The following CTNNA3 variants were observed in gnomAD, a reference collection of about 807,000 sequenced individuals.
The protein encoded by CTNNA3 is catenin alpha 3.
In CTNNA3, 76 loss-of-function variants were observed where a neutral mutation model predicts 95.7. The ratio of observed to expected loss-of-function variants is 0.79; its 90% CI spans 0.66 to 0.96. The LOEUF is 0.96. Among genes scored for constraint, CTNNA3 ranks in the 40% least tolerant of loss-of-function variants. CTNNA3 has a pLI of 0.00. For synonymous variants in CTNNA3, 431 were observed against 374.4 expected (o/e 1.15, Z -1.74); for missense variants, 1,191 against 1,089.8 (o/e 1.09, Z -1.31).
chr10:66,030,131 A>G (rs1219619863), intron 15 of CTNNA3, among the ~76,000 whole-genome samples: 2 of 152,226 alleles, frequency 1.3e-5, no homozygotes, highest in African/African-American at 2.4e-5. Context: ...ATATCATAAA[A>G]TGGCCATACT....
intron 13 of CTNNA3, among the ~76,000 whole-genome samples, chr10:66,126,290 A>G (rs2082827360): frequency 6.6e-6 from 1 of 152,240 alleles, no homozygotes; most frequent in Non-Finnish European, 1.5e-5. Context: ...TAAACAAATG[A>G]TGGTGATGGG....
chr10:67,555,618 T>C (rs1034743367), intron 3 of CTNNA3, among the ~76,000 whole-genome samples: 3 of 152,214 alleles, frequency 2.0e-5, no homozygotes, highest in African/African-American at 7.2e-5. Context: ...TCCTGAGACT[T>C]TGTTGAAGTT....
intron 7 of CTNNA3, among the ~76,000 whole-genome samples, chr10:66,814,387 T>C (rs1841999738): frequency 6.6e-6 from 1 of 152,154 alleles, no homozygotes; most frequent in African/African-American, 2.4e-5. Context: ...GCATTTCATT[T>C]AGGGGTCAAG....
At chr10:66,736,650 C>A (rs1849154099) in intron 9 of CTNNA3, among the ~76,000 whole-genome samples, 2 of 151,802 alleles carry the variant, frequency 1.3e-5, no homozygotes, top group Admixed American at 6.6e-5. Flanking sequence ...TTAAAACATT[C>A]TAAAAGTATG....
intron 9 of CTNNA3, among the ~76,000 whole-genome samples, chr10:66,733,338 T>C (rs1474899185): frequency 1.3e-5 from 2 of 152,072 alleles, no homozygotes; most frequent in Non-Finnish European, 2.9e-5. Flanking sequence ...TGCAAACTTT[T>C]CATAAAACAT....
Position 67,306,933 on chromosome 10 carries a change from G to A in CTNNA3, c.580-87063C>T, listed in dbSNP as rs568913201. On this transcript the variant is annotated intron_variant, in intron 5 of 17. Coordinates refer to ENST00000433211, the MANE Select transcript of CTNNA3 (RefSeq NM_013266.4). Reference sequence around the variant, plus strand: ...TTTAATGTAAGTGTTCATGGGAAGTGAAAGTAAACATTTTGCACACAGAGA... The same window carrying A: ...TTTAATGTAAGTGTTCATGGGAAGTAAAAGTAAACATTTTGCACACAGAGA... Among the ~76,000 whole-genome samples the A allele has an allele frequency of 3.9e-5, 6 of 152,320 alleles. 1 individual carries two copies. Among genetic ancestry groups the A allele is most frequent in the Admixed American group, 3.9e-4 (6 of 15,298 alleles).
intron 7 of CTNNA3, among the ~76,000 whole-genome samples, chr10:66,811,458 G>A (rs574165688): frequency 3.3e-5 from 5 of 152,184 alleles, no homozygotes; most frequent in Non-Finnish European, 5.9e-5. Context: ...TAATCCATAT[G>A]GCAGAATGCA....
Position 67,209,060 on chromosome 10 carries a change from T to G in CTNNA3, c.843+10547A>C, listed in dbSNP as rs1589866291. On this transcript the variant is annotated intron_variant, in intron 6 of 17. Coordinates refer to ENST00000433211, the MANE Select transcript of CTNNA3 (RefSeq NM_013266.4). ...TTGTTATTTTTTGTTGTTGTTGTTG[T>G]TGTTGTTAAGACAGAGTCTCACTCT... is the stretch of plus-strand genomic sequence containing the variant. Among the ~76,000 whole-genome samples, 5 of 152,210 alleles carry G rather than the reference T, an allele frequency of 3.3e-5. No individual in the cohort carries two copies. The South Asian group carries it at 8.3e-4, about 25-fold the overall frequency.
At chr10:66,924,280 A>G (rs1356045348) in intron 7 of CTNNA3, among the ~76,000 whole-genome samples, 3 of 152,044 alleles carry the variant, frequency 2.0e-5, no homozygotes, top group South Asian at 2.1e-4. Context: ...TATCTGTAGG[A>G]CCCCTTTTGA....
chr10:66,799,651 A>C (rs960634972), intron 7 of CTNNA3, among the ~76,000 whole-genome samples: 1 of 151,236 alleles, frequency 6.6e-6, no homozygotes, highest in African/African-American at 2.4e-5. Context: ...GTTTAATAAG[A>C]ATCCCAAAAG....
chr10:66,323,584 G>A (rs887186794), intron 12 of CTNNA3, among the ~76,000 whole-genome samples: 11 of 151,292 alleles, frequency 7.3e-5, no homozygotes, highest in Admixed American at 2.6e-4. Flanking sequence ...CCCAGGAGGC[G>A]GAGGTTGCAG....
At chr10:67,457,345 G>C (rs1351683506) in intron 5 of CTNNA3, among the ~76,000 whole-genome samples, 4 of 152,070 alleles carry the variant, frequency 2.6e-5, no homozygotes. Context: ...GGCCTGCCAA[G>C]GACACCTGAA....
intron 7 of CTNNA3, among the ~76,000 whole-genome samples, chr10:66,847,594 T>C (rs1426243434): frequency 2.6e-5 from 4 of 152,164 alleles, no homozygotes; most frequent in East Asian, 1.9e-4. Flanking sequence ...ATCTCAGAAG[T>C]TGGCTGTGAA....
rs574868731 is a variant in CTNNA3 at position 66,902,808 on chromosome 10, C to T, written c.1048-127284G>A. Reference sequence around the variant, plus strand: ...ATGGATAAATTGCTGGACACATACACCCTCCCAAGACTAAACTAGGAAGAA... The same window carrying T: ...ATGGATAAATTGCTGGACACATACATCCTCCCAAGACTAAACTAGGAAGAA... On this transcript the variant is annotated intron_variant, in intron 7 of 17. Transcript: ENST00000433211. Among the ~76,000 whole-genome samples, 18 of 152,252 alleles carry T rather than the reference C, an allele frequency of 1.2e-4. No homozygotes were observed. In the South Asian group the frequency reaches 2.1e-3, roughly 18 times the overall value.
chr10:67,485,248 A>G (rs1319335176), intron 5 of CTNNA3, among the ~76,000 whole-genome samples: 1 of 152,228 alleles, frequency 6.6e-6, no homozygotes, highest in African/African-American at 2.4e-5. Flanking sequence ...GTTCTCATTT[A>G]TAAGTGGGAG....
chr10:65,948,202 C>A (rs995740038), intron 17 of CTNNA3, among the ~76,000 whole-genome samples: 9 of 151,058 alleles, frequency 6.0e-5, no homozygotes, highest in African/African-American at 1.7e-4. Flanking sequence ...AATGGCATGA[C>A]CCCGGGAGGC....
chr10:67,620,889 GTA>G (rs954928989), intron 2 of CTNNA3, among the ~76,000 whole-genome samples: 45 of 140,176 alleles, frequency 3.2e-4, no homozygotes, highest in African/African-American at 1.1e-3. Flanking sequence ...ATATATATGT[GTA>G]TATATATGTA....
intron 13 of CTNNA3, among the ~76,000 whole-genome samples, chr10:66,225,168 A>C (rs1459942906): frequency 6.6e-6 from 1 of 151,696 alleles, no homozygotes; most frequent in Non-Finnish European, 1.5e-5. Context: ...GTAATTTTGT[A>C]TCCATTAACC....
At chr10:67,003,069 T>A (rs1049848278) in intron 7 of CTNNA3, among the ~76,000 whole-genome samples, 2 of 152,160 alleles carry the variant, frequency 1.3e-5, no homozygotes, top group African/African-American at 4.8e-5. Context: ...AACAAACATA[T>A]GCAGTCTTTT....
Sources: gnomAD v4.1 joint callset for allele counts (sites outside exome capture counted in the v4.1 genomes callset) on GRCh38, gnomAD v4.1.1 for gene constraint, MANE v1.5 for transcripts, NCBI Gene and HGNC (gene_info 2026-07-23, HGNC 2026-07-21) for gene names.